Variants in PPP1R9A observed in about 807,000 individuals in gnomAD.
PPP1R9A encodes the protein neurabin-1.
A neutral mutation model predicts 141.9 loss-of-function variants in PPP1R9A; 59 were observed. That is an observed-to-expected ratio of 0.42 (90% CI 0.34 to 0.52). The LOEUF is 0.52. Ranked by LOEUF, PPP1R9A falls within the 20% of genes least tolerant of loss-of-function variation. PPP1R9A has a pLI of 0.10. For missense variants in PPP1R9A, 1,444 were observed against 1,611.9 expected (o/e 0.90, Z 1.78); for synonymous variants, 500 against 569.7 (o/e 0.88, Z 1.74).
chr7:95,230,112 G>A (rs1204575571), intron 8 of PPP1R9A, among the ~76,000 whole-genome samples: 1 of 152,130 alleles, frequency 6.6e-6, no homozygotes, highest in Non-Finnish European at 1.5e-5. Flanking sequence ...TAGGGTAAGG[G>A]AGAGAACACC....
chr7:95,105,173 C>T (rs1197712847), intron 2 of PPP1R9A, among the ~76,000 whole-genome samples: 1 of 152,082 alleles, frequency 6.6e-6, no homozygotes, highest in African/African-American at 2.4e-5. Context: ...GAAAATGTGT[C>T]ATAAAGAAGT....
intron 8 of PPP1R9A, among the ~76,000 whole-genome samples, chr7:95,232,119 C>G (rs34494542): frequency 2.0e-5 from 3 of 151,898 alleles, no homozygotes; most frequent in Non-Finnish European, 4.4e-5. Flanking sequence ...AACCTTTACA[C>G]GCATAAACTA....
chr7:94,928,697 A>G (rs563975807), intron 2 of PPP1R9A, among the ~76,000 whole-genome samples: 15 of 152,318 alleles, frequency 9.8e-5, no homozygotes, highest in African/African-American at 3.6e-4. Flanking sequence ...TGTATTCAGT[A>G]CTATGTAAAT....
intron 2 of PPP1R9A, among the ~76,000 whole-genome samples, chr7:95,047,584 C>CT (rs1563164233): frequency 1.3e-5 from 2 of 152,166 alleles, no homozygotes; most frequent in Non-Finnish European, 1.5e-5. Flanking sequence ...TTTGAGTACA[C>CT]TTTTTGTCAG....
intron 4 of PPP1R9A, among the ~76,000 whole-genome samples, chr7:95,129,197 A>G (rs141414174): frequency 0.01 from 1,562 of 152,242 alleles, 25 homozygotes; most frequent in African/African-American, 0.036. Flanking sequence ...CCCAAATCTC[A>G]TCTTGAATTG....
At chr7:95,113,353 A>G (rs1453708774) in intron 3 of PPP1R9A, among the ~76,000 whole-genome samples, 2 of 152,188 alleles carry the variant, frequency 1.3e-5, no homozygotes, top group African/African-American at 4.8e-5. Flanking sequence ...TAATCATAGA[A>G]GAAAAATTTC....
At chr7:95,190,642 G>A (rs1835362248) in intron 5 of PPP1R9A, among the ~76,000 whole-genome samples, 1 of 152,202 alleles carries the variant, frequency 6.6e-6, no homozygotes, top group Non-Finnish European at 1.5e-5. Context: ...AATGTCCTAA[G>A]TTGGTCGGCC....
intron 2 of PPP1R9A, among the ~76,000 whole-genome samples, chr7:95,078,940 A>G (rs1815320781): frequency 6.6e-6 from 1 of 151,718 alleles, no homozygotes; most frequent in South Asian, 2.1e-4. Flanking sequence ...TTGCCTGTTC[A>G]CTCTGATGGT....
chr7:94,994,617 C>T (rs948835078), intron 2 of PPP1R9A, among the ~76,000 whole-genome samples: 2 of 151,978 alleles, frequency 1.3e-5, no homozygotes, highest in East Asian at 1.9e-4. Flanking sequence ...AATTGCTGGG[C>T]GGGTGTGGTG....
At chr7:95,230,242 G>C (rs1411232745) in intron 8 of PPP1R9A, among the ~76,000 whole-genome samples, 1 of 152,008 alleles carries the variant, frequency 6.6e-6, no homozygotes, top group African/African-American at 2.4e-5. Flanking sequence ...TCTGGTATAT[G>C]ACAAAACAAG....
At chr7:94,951,464 A>G (rs12666786) in intron 2 of PPP1R9A, among the ~76,000 whole-genome samples, 13,872 of 152,108 alleles carry the variant, frequency 0.091, 696 homozygotes, top group Admixed American at 0.15. Context: ...ATTGAGTTTC[A>G]TTGAACTTTT....
Position 95,279,894 on chromosome 7 carries a change from G to A in PPP1R9A, c.3297-4124G>A, listed in dbSNP as rs139452105. Among the ~76,000 whole-genome samples the A allele has an allele frequency of 1.8e-4, 28 of 152,086 alleles. No individual in the cohort carries two copies. The East Asian group carries it at 3.7e-3, about 20-fold the overall frequency. ...TTTTGATAGTATGGATTTTATTTAC[G>A]TGATCCTCTTCTATTTCATTTTAAA... On this transcript the variant is annotated intron_variant, in intron 16 of 19. Transcript: ENST00000433360.
rs186784763 is a variant in PPP1R9A, at chr7:94,953,241, C to T, written c.1395+41733C>T. Among the ~76,000 whole-genome samples the T allele has an allele frequency of 3.4e-3, 515 of 152,204 alleles. 5 individuals carry two copies. Among genetic ancestry groups the T allele is most frequent in the African/African-American group, 0.012 (490 of 41,516 alleles). The stretch of plus-strand genomic sequence containing the variant: ...TCCATTACCCATTGCTTGTTTCTGT[C>T]AGGTTTGTCAAAGATCAGATGGTTG... On this transcript the variant is annotated intron_variant, in intron 2 of 19. Coordinates refer to ENST00000433360, the MANE Select transcript of PPP1R9A (RefSeq NM_001166160.2).
chr7:95,167,343 G>A (rs564548268), intron 5 of PPP1R9A, among the ~76,000 whole-genome samples: 35 of 152,224 alleles, frequency 2.3e-4, no homozygotes, highest in African/African-American at 7.7e-4. Context: ...AATTGTGGGC[G>A]TAACAATTGA....
chr7:95,149,027 C>T (rs919390714), intron 4 of PPP1R9A, among the ~76,000 whole-genome samples: 2 of 150,496 alleles, frequency 1.3e-5, no homozygotes, highest in African/African-American at 4.9e-5. Flanking sequence ...AGTCCAACAA[C>T]ATATAAAAGG....
intron 2 of PPP1R9A, among the ~76,000 whole-genome samples, chr7:94,923,334 A>G (rs915208775): frequency 6.6e-6 from 1 of 152,226 alleles, no homozygotes; most frequent in Non-Finnish European, 1.5e-5. Flanking sequence ...TACTAAAAAT[A>G]ATAAACATGT....
chr7:95,029,001 A>G (rs907114233), intron 2 of PPP1R9A, among the ~76,000 whole-genome samples: 8 of 152,298 alleles, frequency 5.3e-5, no homozygotes, highest in Admixed American at 5.2e-4. Flanking sequence ...AGCCAAGGAA[A>G]ATAGAACTCC....
intron 2 of PPP1R9A, among the ~76,000 whole-genome samples, chr7:95,075,607 A>G (rs1398565818): frequency 2.0e-5 from 3 of 152,136 alleles, no homozygotes; most frequent in African/African-American, 7.2e-5. Context: ...AGGCTGAGGC[A>G]GGCGGATCAC....
chr7:95,051,718 A>C (rs6465452), intron 2 of PPP1R9A, among the ~76,000 whole-genome samples: 54,323 of 152,038 alleles, frequency 0.36, 10,635 homozygotes, highest in Non-Finnish European at 0.44. Flanking sequence ...AAAACTGGAG[A>C]GGTATTTAGA....
Sources: gnomAD v4.1 joint callset for allele counts (sites outside exome capture counted in the v4.1 genomes callset) on GRCh38, gnomAD v4.1.1 for gene constraint, MANE v1.5 for transcripts, NCBI Gene and HGNC (gene_info 2026-07-23, HGNC 2026-07-21) for gene names.